The following OLFM3 variants were observed in gnomAD, a reference collection of about 807,000 sequenced individuals.
The protein encoded by OLFM3 is olfactomedin 3.
In OLFM3, 20 loss-of-function variants were observed where a neutral mutation model predicts 48.6. The ratio of observed to expected loss-of-function variants is 0.41; its 90% CI spans 0.29 to 0.60. The LOEUF (loss-of-function observed/expected upper bound fraction) is 0.60, where lower values mean the gene tolerates loss of function less well. OLFM3 is among the 20% of genes least tolerant of loss of function. The pLI is 0.28. For missense variants in OLFM3, 437 were observed against 544.3 expected, an observed-to-expected ratio of 0.80 and a Z score of 1.96; for synonymous variants, 222 against 198.1, an observed-to-expected ratio of 1.12 and a Z score of -1.01.
At chr1:101,975,993 C>T (rs899181928) in intron 1 of OLFM3, among the ~76,000 whole-genome samples, 2 of 152,082 alleles carry the variant, frequency 1.3e-5, no homozygotes, top group African/African-American at 2.4e-5. Context: ...AAAAGCCTAG[C>T]TATACTTAAG....
chr1:101,892,974 G>C (rs1006868085), intron 1 of OLFM3: 2 of 152,416 alleles, frequency 1.3e-5, no homozygotes, highest in Non-Finnish European at 2.9e-5. Flanking sequence ...ATTTTTTCAA[G>C]TAGATTGTAT....
At chr1:101,849,407 G>C (rs187951205) in intron 1 of OLFM3, among the ~76,000 whole-genome samples, 19 of 152,320 alleles carry the variant, frequency 1.2e-4, no homozygotes, top group African/African-American at 4.3e-4. Context: ...GAATGGTAAT[G>C]ATATTACCAC....
intron 2 of OLFM3, among the ~76,000 whole-genome samples, chr1:101,835,410 G>A (rs2100920693): frequency 6.6e-6 from 1 of 152,324 alleles, no homozygotes; most frequent in East Asian, 1.9e-4. Flanking sequence ...CGCCTCCCAG[G>A]TTCAAGAGAT....
intron 1 of OLFM3, among the ~76,000 whole-genome samples, chr1:101,931,282 C>T (rs1384575529): frequency 2.6e-5 from 4 of 152,136 alleles, no homozygotes; most frequent in Non-Finnish European, 5.9e-5. Context: ...TTACTTAGGA[C>T]ATTCATATAA....
intron 1 of OLFM3, among the ~76,000 whole-genome samples, chr1:101,961,641 A>T (rs7532399): frequency 0.21 from 32,390 of 152,070 alleles, 3,828 homozygotes; most frequent in East Asian, 0.51. Context: ...GTATTTCAAA[A>T]CAGAGGAGAT....
chr1:101,978,798 G>A (rs1351758309), intron 1 of OLFM3, among the ~76,000 whole-genome samples: 1 of 152,076 alleles, frequency 6.6e-6, no homozygotes, highest in Non-Finnish European at 1.5e-5. Context: ...CCCATAGCAA[G>A]GGAAATGGGA....
intron 1 of OLFM3, among the ~76,000 whole-genome samples, chr1:101,872,353 AGAAAATTTATTT>A (rs949933264): frequency 3.9e-5 from 6 of 152,148 alleles, no homozygotes; most frequent in Admixed American, 6.6e-5. Context: ...GCAAGAGTTC[AGAAAATTTATTT>A]TTAAAGGTCT....
At chr1:101,971,016 A>G (rs1660769042) in intron 1 of OLFM3, among the ~76,000 whole-genome samples, 1 of 152,232 alleles carries the variant, frequency 6.6e-6, no homozygotes, top group African/African-American at 2.4e-5. Flanking sequence ...TGCCATATAA[A>G]GGAGTTTAGG....
intron 1 of OLFM3, among the ~76,000 whole-genome samples, chr1:101,956,909 A>G (rs186809975): frequency 2.4e-4 from 37 of 151,972 alleles, no homozygotes; most frequent in African/African-American, 8.9e-4. Context: ...CTAATGCTTT[A>G]TTACTCCTCT....
intron 1 of OLFM3, among the ~76,000 whole-genome samples, chr1:101,852,070 G>A (rs537273120): frequency 6.6e-6 from 1 of 151,940 alleles, no homozygotes; most frequent in Admixed American, 6.6e-5. Context: ...TTTTTCCAAC[G>A]TCGATAAATT....
intron 1 of OLFM3, among the ~76,000 whole-genome samples, chr1:101,858,897 C>T (rs897127445): frequency 2.6e-5 from 4 of 152,030 alleles, no homozygotes; most frequent in African/African-American, 9.7e-5. Context: ...CAGACTAATA[C>T]AGTCATTAAC....
At chr1:101,866,670 C>A (rs1656875163) in intron 1 of OLFM3, among the ~76,000 whole-genome samples, 1 of 152,106 alleles carries the variant, frequency 6.6e-6, no homozygotes, top group Admixed American at 6.6e-5. Flanking sequence ...TTCATCTGCT[C>A]ATATTACTGT....
At chr1:101,933,011 G>A (rs951833839) in intron 1 of OLFM3, among the ~76,000 whole-genome samples, 9 of 152,018 alleles carry the variant, frequency 5.9e-5, no homozygotes, top group African/African-American at 1.9e-4. Context: ...AGACCATCCC[G>A]GCTAACACGA....
chr1:101,955,608 C>T (rs577823732), intron 1 of OLFM3, among the ~76,000 whole-genome samples: 1 of 152,022 alleles, frequency 6.6e-6, no homozygotes, highest in African/African-American at 2.4e-5. Flanking sequence ...TTTTTCTCAT[C>T]TCTCTGGCAT....
chr1:101,819,937 T>A (rs1654530129), intron 4 of OLFM3, among the ~76,000 whole-genome samples: 1 of 152,032 alleles, frequency 6.6e-6, no homozygotes, highest in Admixed American at 6.6e-5. Flanking sequence ...GCCTAGCGCT[T>A]GTCAAGCAGT....
intron 1 of OLFM3, among the ~76,000 whole-genome samples, chr1:101,888,581 T>C (rs1016659858): frequency 5.3e-5 from 8 of 152,172 alleles, no homozygotes; most frequent in African/African-American, 1.9e-4. Context: ...ATTCAGGACA[T>C]AGGCATGGGC....
intron 1 of OLFM3, among the ~76,000 whole-genome samples, chr1:101,986,313 C>T (rs1371726493): frequency 4.6e-5 from 7 of 151,952 alleles, no homozygotes; most frequent in Non-Finnish European, 8.8e-5. Context: ...GATGACCTAC[C>T]AAAAGTATAA....
rs117820090 is a variant in OLFM3, at chr1:101,949,429, C to T, written c.69+47319G>A. The stretch of plus-strand genomic sequence containing the variant: ...CTCAAAATTGTCTCATATACCTTAT[C>T]TCACGGTAGGTCAGCAAATGATATT... On this transcript the variant is annotated intron_variant, in intron 1 of 5. Coordinates refer to ENST00000370103, the MANE Select transcript of OLFM3 (RefSeq NM_058170.4). 6.6e-5 allele frequency among the ~76,000 whole-genome samples: 10 copies of T among 152,282 alleles called. No individual in the cohort carries two copies. In the East Asian group the frequency reaches 1.4e-3, roughly 21 times the overall value.
At chr1:101,881,249 T>A (rs141130046) in intron 1 of OLFM3, among the ~76,000 whole-genome samples, 3,416 of 152,020 alleles carry the variant, frequency 0.022, 148 homozygotes, top group African/African-American at 0.078. Context: ...TTATTTTCTT[T>A]CACTCTGTAT....
Sources: gnomAD v4.1 joint callset for allele counts (sites outside exome capture counted in the v4.1 genomes callset) on GRCh38, gnomAD v4.1.1 for gene constraint, MANE v1.5 for transcripts, NCBI Gene and HGNC (gene_info 2026-07-23, HGNC 2026-07-21) for gene names.